Variants in NIN observed in about 807,000 individuals in gnomAD.
NIN encodes the protein glycogen synthase kinase 3 beta-interacting protein.
Under a neutral mutation model 257.6 loss-of-function variants are expected in NIN, and 137 were observed. The observed-to-expected ratio is 0.53, with a 90% CI of 0.46 to 0.61. NIN has a LOEUF of 0.61. NIN is among the 20% of genes least tolerant of loss of function. The probability of loss-of-function intolerance (pLI) is 0.00; values close to 1 mark genes in which losing one functional copy is unlikely to be tolerated. For synonymous variants in NIN, 918 were observed against 919.8 expected (o/e 1.00, Z 0.04); for missense variants, 2,439 against 2,501.2 (o/e 0.98, Z 0.53).
rs111387128 is a variant in NIN at position 50,741,557 on chromosome 14, C to A, written c.5448+25G>T. ...TATACTTTACTGTAAATAACTTATA[C>A]CTAAATAAAAAAAGAACAAATCACC... is the stretch of plus-strand genomic sequence containing the variant. On this transcript the variant is annotated intron_variant, in intron 25 of 30. Transcript: ENST00000530997. 4,515 of 1,607,380 alleles carry A rather than the reference C, an allele frequency of 2.8e-3. 112 individuals carry two copies. In the African/African-American group the frequency reaches 0.051, roughly 18 times the overall value.
At chr14:50,759,109 C>T (rs747027320) in intron 17 of NIN, among the ~76,000 whole-genome samples, 3 of 152,114 alleles carry the variant, frequency 2.0e-5, no homozygotes, top group Non-Finnish European at 2.9e-5. Context: ...CAGCGTGTGA[C>T]GAAACAAAGC....
At chr14:50,828,127 T>G (rs981143035) in intron 2 of NIN, among the ~76,000 whole-genome samples, 3 of 150,852 alleles carry the variant, frequency 2.0e-5, no homozygotes, top group African/African-American at 7.3e-5. Flanking sequence ...AGGAGAAAGC[T>G]TATAACAACT....
intron 26 of NIN, 56 bp from the exon 27 acceptor site, chr14:50,738,342 AAAC>A: frequency 2.7e-6 from 4 of 1,496,400 alleles, no homozygotes; most frequent in East Asian, 2.3e-5. Flanking sequence ...CAGCCAGCAA[AAAC>A]AACAAACATA....
rs112215274 is a variant in NIN at position 50,747,738 on chromosome 14, TA to T, written c.5064+253del. Among the ~76,000 whole-genome samples the T allele has an allele frequency of 5.7e-4, 65 of 114,166 alleles. 1 individual carries two copies. Among genetic ancestry groups the T allele is most frequent in the Admixed American group, 8.5e-4 (10 of 11,832 alleles). 74.9% of individuals were successfully genotyped at this position (114,166 alleles called of 152,430 possible). ...AACAGAGGGAAGAAGGAAACTGTCT[TA>T]AAAAAAAAAAAGGGGGGGATTTTAG... On this transcript the variant is annotated intron_variant, in intron 22 of 30. Transcript: ENST00000530997.
At chr14:50,826,305 T>A (rs1371881465) in intron 2 of NIN, among the ~76,000 whole-genome samples, 2 of 152,236 alleles carry the variant, frequency 1.3e-5, no homozygotes, top group Non-Finnish European at 2.9e-5. Context: ...GAAGGCTTTA[T>A]GACTCTTTCG....
intron 5 of NIN, among the ~76,000 whole-genome samples, chr14:50,785,978 A>G (rs748062936): frequency 6.6e-6 from 1 of 152,228 alleles, no homozygotes; most frequent in Non-Finnish European, 1.5e-5. Context: ...TTATCTTTAA[A>G]GGCAATTAAG....
chr14:50,777,376 T>G (rs1465132218), intron 6 of NIN, among the ~76,000 whole-genome samples: 3 of 152,182 alleles, frequency 2.0e-5, no homozygotes, highest in African/African-American at 7.2e-5. Context: ...GTAATAAATA[T>G]AATCTCCTGT....
At chr14:50,787,712 A>G (rs988094864) in intron 5 of NIN, among the ~76,000 whole-genome samples, 1 of 152,256 alleles carries the variant, frequency 6.6e-6, no homozygotes, top group African/African-American at 2.4e-5. Context: ...ATGAAATTGG[A>G]AGTCAAACAC....
chr14:50,807,424 A>G (rs2044380029), intron 3 of NIN, among the ~76,000 whole-genome samples: 1 of 152,248 alleles, frequency 6.6e-6, no homozygotes, highest in Non-Finnish European at 1.5e-5. Context: ...TCTTGACTGA[A>G]GTTGGAAAGA....
rs953164644 is a variant in NIN, at chr14:50,727,380, T to G, written c.6079-1314A>C. ...TTTGGTTAAAAATAGTTACAACATA[T>G]GGAATGAGAAAATATATAGACTACA... On this transcript the variant is annotated intron_variant, in intron 29 of 30. Transcript: ENST00000530997. 6.9e-6 allele frequency: 7 copies of G among 1,017,674 alleles called. No homozygotes were observed. The African/African-American group carries it at 1.0e-4, about 15-fold the overall frequency. The allele number at this position is 1,017,674 out of a possible 1,614,324, so 63.0% of individuals were successfully genotyped here. A position where few individuals can be genotyped will look rare whatever the true frequency, so the allele number is the denominator to read the frequency against.
At chr14:50,813,767 C>A (rs991302306) in intron 3 of NIN, among the ~76,000 whole-genome samples, 5 of 152,194 alleles carry the variant, frequency 3.3e-5, no homozygotes, top group African/African-American at 4.8e-5. Flanking sequence ...TGGGAGAACT[C>A]AAACTAGCAC....
Position 50,780,042 on chromosome 14 carries a change from G to A in NIN, c.436-1238C>T, listed in dbSNP as rs1052708460. The stretch of plus-strand genomic sequence containing the variant: ...TTTGTGTACTGCATAAAAGTGCCCC[G>A]CTAAGAGCACAGGTCAGGACCGAAA... On this transcript the variant is annotated intron_variant, in intron 5 of 30. Transcript: ENST00000530997. 2.6e-5 allele frequency among the ~76,000 whole-genome samples: 4 copies of A among 152,164 alleles called. No individual in the cohort carries two copies. In the East Asian group the frequency reaches 5.8e-4, roughly 22 times the overall value.
intron 2 of NIN, among the ~76,000 whole-genome samples, chr14:50,827,756 C>A (rs376121645): frequency 3.2e-3 from 339 of 107,010 alleles, no homozygotes; most frequent in South Asian, 4.1e-3. Context: ...GACTCCGTAT[C>A]AAAAAAAAAA....
In NIN at chr14:50,754,954, A is replaced by C. The variant is rs10132785; in HGVS notation, c.4539-87T>G. 0.15 allele frequency: 126,583 copies of C among 851,578 alleles called. 11,994 individuals are homozygous for C. Among genetic ancestry groups the C allele is most frequent in the African/African-American group, 0.41 (23,637 of 58,156 alleles). 52.8% of individuals were successfully genotyped at this position (851,578 alleles called of 1,614,324 possible). A position where few individuals can be genotyped will look rare whatever the true frequency, so the allele number is the denominator to read the frequency against. ...TTTTCTAGTAACTTCCAAAAGGATG[A>C]GTATTCAATGCCAGTTAAAAAGAAA... is the stretch of plus-strand genomic sequence containing the variant. On this transcript the variant is annotated intron_variant, in intron 18 of 30. Transcript: ENST00000530997.
intron 29 of NIN, 68 bp from the exon 30 acceptor site, chr14:50,726,134 C>T (rs2040402063): frequency 2.4e-6 from 3 of 1,226,852 alleles, no homozygotes; most frequent in East Asian, 2.3e-5. Context: ...ATTTTCCCCA[C>T]AAGATGCCTA....
Position 50,765,955 on chromosome 14 carries a change from C to T in NIN, c.1635+352G>A, listed in dbSNP as rs143013833. 4.2e-3 allele frequency among the ~76,000 whole-genome samples: 632 copies of T among 150,864 alleles called. 7 individuals carry two copies. The highest frequency in any genetic ancestry group is 0.014 in the African/African-American group (593 of 41,086). ...TGCTGGTGCGCTGCACCCACTAACTCGTCATCTAGCATCAGGTATATCTCC... is the reference window on the plus strand; with the variant it reads ...TGCTGGTGCGCTGCACCCACTAACTTGTCATCTAGCATCAGGTATATCTCC... On this transcript the variant is annotated intron_variant, in intron 14 of 30. Coordinates refer to ENST00000530997, the MANE Select transcript of NIN (RefSeq NM_020921.4).
At chr14:50,818,837 C>G (rs1595937696) in intron 3 of NIN, among the ~76,000 whole-genome samples, 1 of 150,938 alleles carries the variant, frequency 6.6e-6, no homozygotes, top group Non-Finnish European at 1.5e-5. Context: ...TGGTAAAACA[C>G]ATAGAAATGG....
At chr14:50,783,600 G>A (rs1446570267) in intron 5 of NIN, among the ~76,000 whole-genome samples, 1 of 151,914 alleles carries the variant, frequency 6.6e-6, no homozygotes, top group Non-Finnish European at 1.5e-5. Context: ...CTTAATAAGA[G>A]GGAGAAAAGC....
intron 23 of NIN, among the ~76,000 whole-genome samples, 177 bp downstream of exon 23, chr14:50,744,066 C>T (rs1045448659): frequency 2.6e-5 from 4 of 151,928 alleles, no homozygotes; most frequent in Admixed American, 1.3e-4. Context: ...CTAATTTAGA[C>T]TTCATCAGTC....
Sources: gnomAD v4.1 joint callset for allele counts (sites outside exome capture counted in the v4.1 genomes callset) on GRCh38, gnomAD v4.1.1 for gene constraint, MANE v1.5 for transcripts, NCBI Gene and HGNC (gene_info 2026-07-23, HGNC 2026-07-21) for gene names.